Variants in SLC26A2 observed in about 807,000 individuals in gnomAD.
The protein encoded by SLC26A2 is sulfate transporter.
In SLC26A2, 36 loss-of-function variants were observed where a neutral mutation model predicts 41.1. The ratio of observed to expected loss-of-function variants is 0.88; its 90% CI spans 0.67 to 1.16. SLC26A2 has a LOEUF of 1.16. Among genes scored for constraint, SLC26A2 ranks in the 50% most tolerant of loss-of-function variants. The probability of loss-of-function intolerance (pLI) is 0.00; values close to 1 mark genes in which losing one functional copy is unlikely to be tolerated. For missense variants in SLC26A2, 796 were observed against 869.6 expected (o/e 0.92, Z 1.07); for synonymous variants, 291 against 311.6 (o/e 0.93, Z 0.70).
chr5:149,967,301 C>T (rs988796622), intron 1 of SLC26A2, among the ~76,000 whole-genome samples: 10 of 152,138 alleles, frequency 6.6e-5, no homozygotes, highest in African/African-American at 2.4e-4. Context: ...AAGGTACTCT[C>T]TCTATATATA....
rs1024008941 is a variant in SLC26A2 at position 149,986,233 on chromosome 5, A to G, written c.*4420A>G. On this transcript the variant is annotated 3_prime_UTR_variant, in exon 3 of 3. Coordinates refer to ENST00000286298, the MANE Select transcript of SLC26A2 (RefSeq NM_000112.4). ...AAATTAAAAAGAATCAGTTTTTTTA[A>G]TTAAAAAAATAGAAAGCTGTTAGGC... The G allele has an allele frequency of 6.6e-6, 1 of 151,168 alleles. No individual in the cohort carries two copies. The highest frequency in any genetic ancestry group is 2.4e-5 in the African/African-American group (1 of 40,898). 9.4% of individuals were successfully genotyped at this position (151,168 alleles called of 1,614,324 possible).
At chr5:149,965,249 G>A (rs1258475545) in intron 1 of SLC26A2, among the ~76,000 whole-genome samples, 3 of 152,110 alleles carry the variant, frequency 2.0e-5, no homozygotes, top group Non-Finnish European at 2.9e-5. Context: ...TTGGGAGGCC[G>A]AGGCAGGCGG....
chr5:149,985,076 A>G lies in SLC26A2; in HGVS notation c.*3263A>G, dbSNP rs1163495430. ...AATCCCTGGTTAGCCTCTACACAATAATAGGGAGACAAGGATTAGGAGCCA... is the reference window on the plus strand; with the variant it reads ...AATCCCTGGTTAGCCTCTACACAATGATAGGGAGACAAGGATTAGGAGCCA... On this transcript the variant is annotated 3_prime_UTR_variant, in exon 3 of 3. Coordinates refer to ENST00000286298, the MANE Select transcript of SLC26A2 (RefSeq NM_000112.4). The G allele has an allele frequency of 2.0e-5, 3 of 152,192 alleles. No homozygotes were observed. The highest frequency in any genetic ancestry group is 7.2e-5 in the African/African-American group (3 of 41,430). The allele number at this position is 152,192 out of a possible 1,614,324, so 9.4% of individuals were successfully genotyped here. A position where few individuals can be genotyped will look rare whatever the true frequency, so the allele number is the denominator to read the frequency against.
chr5:149,975,350 ACTTT>A (rs1754975685), intron 1 of SLC26A2, among the ~76,000 whole-genome samples: 1 of 151,886 alleles, frequency 6.6e-6, no homozygotes, highest in South Asian at 2.1e-4. Flanking sequence ...TCTTTGTTTT[ACTTT>A]CTATGTGAAT....
At chr5:149,965,636 A>AT (rs1181390999) in intron 1 of SLC26A2, among the ~76,000 whole-genome samples, 1 of 151,674 alleles carries the variant, frequency 6.6e-6, no homozygotes, top group Non-Finnish European at 1.5e-5. Context: ...ATTTTTCCAT[A>AT]TAAGAGAGGA....
At chr5:149,969,153 T>C (rs1372566111) in intron 1 of SLC26A2, among the ~76,000 whole-genome samples, 1 of 152,224 alleles carries the variant, frequency 6.6e-6, no homozygotes, top group Non-Finnish European at 1.5e-5. Context: ...ATTCTGTCCA[T>C]CAAAAACTTT....
At chr5:149,978,411 A>C in intron 2 of SLC26A2, 60 bp downstream of exon 2, 276 of 1,237,054 alleles carry the variant, frequency 2.2e-4, no homozygotes, top group Non-Finnish European at 3.0e-4. Flanking sequence ...ATGAAATCTC[A>C]TATCTCTAAG....
intron 1 of SLC26A2, among the ~76,000 whole-genome samples, chr5:149,967,373 C>T (rs1055051333): frequency 6.6e-6 from 1 of 152,216 alleles, no homozygotes; most frequent in Non-Finnish European, 1.5e-5. Flanking sequence ...AAAATCTCCT[C>T]ATGCCCCTTT....
At chr5:149,968,950 C>T (rs112417482) in intron 1 of SLC26A2, among the ~76,000 whole-genome samples, 5,615 of 150,754 alleles carry the variant, frequency 0.037, 358 homozygotes, top group African/African-American at 0.13. Flanking sequence ...CCATGTTGCC[C>T]AGGCTGGTCT....
rs1218224037 is a variant in SLC26A2, at chr5:149,981,180, A to G, written c.1587A>G (p.Ile529Met). ...CCTCTGCACTGCTAAGTACTGAAAT[A>G]GGCCTACTTGTTGGGGTTTGTTTTT... ...MLSSALLSTE[I>M]GLLVGVCFSI... is the part of the protein sequence containing the mutation. The change falls in exon 3 of 3, where the codon ATA (isoleucine) becomes ATG (methionine). Residue 529 changes from isoleucine (I) to methionine (M), a missense_variant. By Grantham distance (10) the Ile-to-Met change is conservative. Coordinates refer to ENST00000286298, the MANE Select transcript of SLC26A2 (RefSeq NM_000112.4). 1 of 1,614,032 alleles carries G rather than the reference A, an allele frequency of 6.2e-7. No homozygotes were observed. The highest frequency in any genetic ancestry group is 1.7e-5 in the Admixed American group (1 of 59,998).
In SLC26A2 at chr5:149,985,064, C is replaced by G. The variant is rs1464575536; in HGVS notation, c.*3251C>G. On this transcript the variant is annotated 3_prime_UTR_variant, in exon 3 of 3. Coordinates refer to ENST00000286298, the MANE Select transcript of SLC26A2 (RefSeq NM_000112.4). Reference sequence around the variant, plus strand: ...TGAATAGGATCCAATCCCTGGTTAGCCTCTACACAATAATAGGGAGACAAG... The same window carrying G: ...TGAATAGGATCCAATCCCTGGTTAGGCTCTACACAATAATAGGGAGACAAG... 2.6e-5 allele frequency: 4 copies of G among 152,144 alleles called. No individual in the cohort carries two copies. The highest frequency in any genetic ancestry group is 5.9e-5 in the Non-Finnish European group (4 of 68,034). The allele number at this position is 152,144 out of a possible 1,614,324, so 9.4% of individuals were successfully genotyped here.
At position 149,981,729 on chromosome 5, in the gene SLC26A2, G is replaced by C; in HGVS notation, c.2136G>C (p.Val712=). 1.9e-6 allele frequency: 3 copies of C among 1,611,440 alleles called. No individual in the cohort carries two copies. In the East Asian group the frequency reaches 6.7e-5, roughly 36 times the overall value. Residue 712 remains valine (V), a synonymous_variant, in exon 3 of 3, where the codon GTG becomes GTC. Coordinates refer to ENST00000286298, the MANE Select transcript of SLC26A2 (RefSeq NM_000112.4). ...KEEENLLFYS[V]YEAMAFAEVS... is the part of the protein sequence containing the mutation. Reference sequence around the variant, plus strand: ...AAGAAAACCTTCTCTTCTATAGTGTGTATGAAGCGATGGCTTTTGCAGAAG... The same window carrying C: ...AAGAAAACCTTCTCTTCTATAGTGTCTATGAAGCGATGGCTTTTGCAGAAG...
intron 1 of SLC26A2, among the ~76,000 whole-genome samples, chr5:149,974,942 C>T (rs951846914): frequency 6.6e-6 from 1 of 152,066 alleles, no homozygotes; most frequent in East Asian, 1.9e-4. Context: ...TCATGCTGGT[C>T]TTGAACTCCT....
rs79521091 is a variant in SLC26A2 at position 149,986,743 on chromosome 5, C to G, written c.*4930C>G. On this transcript the variant is annotated 3_prime_UTR_variant, in exon 3 of 3. Transcript: ENST00000286298. ...TATTGTAGATACTATGTTTGTAAGT[C>G]TATAGCTAAGCAACTTAAGCCAAAA... is the stretch of plus-strand genomic sequence containing the variant. 1 of 152,196 alleles carries G rather than the reference C, an allele frequency of 6.6e-6. No homozygotes were observed. The highest frequency in any genetic ancestry group is 2.4e-5 in the African/African-American group (1 of 41,450). 9.4% of individuals were successfully genotyped at this position (152,196 alleles called of 1,614,324 possible).
rs1256171696 is a variant in SLC26A2, at chr5:149,981,783, T to A, written c.2190T>A (p.Val730=). 3 of 1,612,880 alleles carry A rather than the reference T, an allele frequency of 1.9e-6. No individual in the cohort carries two copies. Among genetic ancestry groups the A allele is most frequent in the Non-Finnish European group, 2.5e-6 (3 of 1,179,488 alleles). Residue 730 remains valine, a synonymous_variant, in exon 3 of 3, where the codon GTT becomes GTA. Transcript: ENST00000286298. ...EVSKNQKGVC[V]PNGLSLSSD ...CTAAAAATCAGAAAGGAGTATGTGT[T>A]CCCAATGGTCTGAGTCTTAGTAGTG...
intron 1 of SLC26A2, among the ~76,000 whole-genome samples, chr5:149,972,633 T>C (rs1240980983): frequency 2.0e-5 from 3 of 152,230 alleles, no homozygotes; most frequent in Non-Finnish European, 2.9e-5. Context: ...AATAAATTAC[T>C]AAATTGGGCC....
intron 1 of SLC26A2, among the ~76,000 whole-genome samples, chr5:149,974,486 G>A (rs1040088309): frequency 6.6e-6 from 1 of 151,292 alleles, no homozygotes; most frequent in Non-Finnish European, 1.5e-5. Context: ...GCAGTGGCGC[G>A]ATCTTGGCTC....
In SLC26A2 at chr5:149,977,637, C is replaced by A. The variant is rs757231422; in HGVS notation, c.-16C>A. 2.6e-6 allele frequency: 4 copies of A among 1,562,050 alleles called. No individual in the cohort carries two copies. Among genetic ancestry groups the A allele is most frequent in the Non-Finnish European group, 3.5e-6 (4 of 1,132,904 alleles). ...ATTTTCTCTGGTGTAGGAAGCTGAACCATCTATCTCCAGAAATGTCTTCAG... is the reference window on the plus strand; with the variant it reads ...ATTTTCTCTGGTGTAGGAAGCTGAAACATCTATCTCCAGAAATGTCTTCAG... On this transcript the variant is annotated 5_prime_UTR_variant, in exon 2 of 3. Coordinates refer to ENST00000286298, the MANE Select transcript of SLC26A2 (RefSeq NM_000112.4).
At chr5:149,968,442 G>A (rs1581226844) in intron 1 of SLC26A2, among the ~76,000 whole-genome samples, 2 of 151,720 alleles carry the variant, frequency 1.3e-5, no homozygotes, top group East Asian at 1.9e-4. Flanking sequence ...ACAGAGTCTC[G>A]CTCTGTCACT....
Sources: gnomAD v4.1 joint callset for allele counts (sites outside exome capture counted in the v4.1 genomes callset) on GRCh38, gnomAD v4.1.1 for gene constraint, MANE v1.5 for transcripts, NCBI Gene and HGNC (gene_info 2026-07-23, HGNC 2026-07-21) for gene names.